The following BMPER variants were observed in gnomAD, a reference collection of about 807,000 sequenced individuals.
BMPER encodes BMP binding endothelial regulator.
In BMPER, 45 loss-of-function variants were observed where a neutral mutation model predicts 87.3. The observed-to-expected ratio is 0.52, with a 90% CI of 0.41 to 0.66. The LOEUF (loss-of-function observed/expected upper bound fraction) is 0.66. Ranked by LOEUF, BMPER falls within the 30% of genes least tolerant of loss-of-function variation. BMPER has a pLI of 0.00. For synonymous variants in BMPER, 326 were observed against 316.2 expected (o/e 1.03, Z -0.33); for missense variants, 784 against 867.5 (o/e 0.90, Z 1.21).
At chr7:34,146,583 ATATTT>A (rs1453077002) in intron 14 of BMPER, among the ~76,000 whole-genome samples, 1 of 152,200 alleles carries the variant, frequency 6.6e-6, no homozygotes, top group Non-Finnish European at 1.5e-5. Flanking sequence ...ATTTTATATT[ATATTT>A]TATCTTGATA....
At chr7:34,063,338 T>C (rs1788491125) in intron 11 of BMPER, among the ~76,000 whole-genome samples, 2 of 152,114 alleles carry the variant, frequency 1.3e-5, no homozygotes, top group Admixed American at 1.3e-4. Flanking sequence ...ATTTTTTTAA[T>C]TGATTAGTGC....
chr7:33,938,812 G>T (rs1447562034), intron 3 of BMPER, among the ~76,000 whole-genome samples: 3 of 152,138 alleles, frequency 2.0e-5, no homozygotes, highest in South Asian at 2.1e-4. Flanking sequence ...GATTACTTTA[G>T]GTCAGGAGTT....
intron 4 of BMPER, 112 bp downstream of exon 4, chr7:33,966,673 A>C: frequency 9.9e-7 from 1 of 1,013,078 alleles, no homozygotes; most frequent in South Asian, 1.4e-5. Context: ...AGAAATGAAA[A>C]AAACAATGAA....
intron 6 of BMPER, among the ~76,000 whole-genome samples, chr7:34,019,085 A>T (rs981266999): frequency 6.6e-6 from 1 of 151,750 alleles, no homozygotes; most frequent in Admixed American, 6.6e-5. Context: ...TTATTTAATT[A>T]CTCCCTGGAA....
chr7:33,983,363 G>A (rs967953570), intron 6 of BMPER, among the ~76,000 whole-genome samples: 18 of 152,038 alleles, frequency 1.2e-4, no homozygotes, highest in African/African-American at 1.7e-4. Flanking sequence ...GCACAACAGG[G>A]AAAAAAGTTG....
At chr7:34,131,869 T>A (rs1790598893) in intron 13 of BMPER, among the ~76,000 whole-genome samples, 1 of 152,174 alleles carries the variant, frequency 6.6e-6, no homozygotes, top group South Asian at 2.1e-4. Flanking sequence ...ACTCTGAACT[T>A]CAGTGGGGCT....
chr7:34,085,954 G>A lies in BMPER; in HGVS notation c.1607G>A (p.Arg536Lys), dbSNP rs1789190872. Reference protein sequence around the residue: ...WRVESNEFCNRPQRKPVPELC... With the variant: ...WRVESNEFCNKPQRKPVPELC... ...GTGGAGTCCAATGAGTTCTGCAACA[G>A]ACCTCAGAGAAAGCCAGTGCCTGAA... The change falls in exon 13 of 15, where the codon AGA (arginine) becomes AAA (lysine). Residue 536 changes from arginine to lysine, a missense_variant. Arg to Lys is a conservative substitution (Grantham distance 26). Coordinates refer to ENST00000649409, the MANE Select transcript of BMPER (RefSeq NM_001365308.1). 6.2e-7 allele frequency: 1 copy of A among 1,614,118 alleles called. No individual in the cohort carries two copies. The highest frequency in any genetic ancestry group is 8.5e-7 in the Non-Finnish European group (1 of 1,180,034).
At chr7:34,066,275 G>A (rs1459566198) in intron 11 of BMPER, among the ~76,000 whole-genome samples, 1 of 152,210 alleles carries the variant, frequency 6.6e-6, no homozygotes, top group Non-Finnish European at 1.5e-5. Context: ...CAGTAAGACA[G>A]TTTTTGTAGG....
intron 6 of BMPER, among the ~76,000 whole-genome samples, chr7:34,013,188 C>T (rs1407588544): frequency 2.0e-5 from 3 of 151,702 alleles, no homozygotes; most frequent in Non-Finnish European, 4.4e-5. Flanking sequence ...ACTCCACTAG[C>T]CCTGTTTCTC....
intron 6 of BMPER, among the ~76,000 whole-genome samples, chr7:34,028,951 C>T (rs1787454382): frequency 6.6e-6 from 1 of 151,780 alleles, no homozygotes; most frequent in Non-Finnish European, 1.5e-5. Flanking sequence ...TATCTAAAGA[C>T]AGAATTAGAA....
rs890971191 is a variant in BMPER at position 34,055,276 on chromosome 7, A to G, written c.900A>G (p.Val300=). Residue 300 remains valine (V), a synonymous_variant, in exon 9 of 15, where the codon GTA becomes GTG. Coordinates refer to ENST00000649409, the MANE Select transcript of BMPER (RefSeq NM_001365308.1). ...GAGTGCCCCCAGAAGACATCAAAGTATGCAAATTTGGCAACAAGATTTTCC... is the reference window on the plus strand; with the variant it reads ...GAGTGCCCCCAGAAGACATCAAAGTGTGCAAATTTGGCAACAAGATTTTCC... ...LLRVPPEDIK[V]CKFGNKIFQD... 6.2e-7 allele frequency: 1 copy of G among 1,614,168 alleles called. No homozygotes were observed. Among genetic ancestry groups the G allele is most frequent in the Admixed American group, 1.7e-5 (1 of 60,026 alleles).
intron 11 of BMPER, among the ~76,000 whole-genome samples, chr7:34,065,382 C>T: frequency 6.6e-6 from 1 of 152,242 alleles, no homozygotes; most frequent in South Asian, 2.1e-4. Flanking sequence ...TGGCCTCTAA[C>T]CACTAAATGC....
intron 6 of BMPER, among the ~76,000 whole-genome samples, chr7:34,020,440 A>G (rs1007214794): frequency 6.6e-6 from 1 of 151,280 alleles, no homozygotes; most frequent in Non-Finnish European, 1.5e-5. Context: ...CACCTTTGAA[A>G]GTATGTGCAG....
chr7:33,966,046 A>G (rs919152950), intron 3 of BMPER, among the ~76,000 whole-genome samples: 3 of 152,196 alleles, frequency 2.0e-5, no homozygotes, highest in African/African-American at 4.8e-5. Flanking sequence ...TTCAAGTCCT[A>G]TATTTTAATT....
At chr7:33,948,226 A>G (rs901484694) in intron 3 of BMPER, among the ~76,000 whole-genome samples, 1 of 152,212 alleles carries the variant, frequency 6.6e-6, no homozygotes, top group Non-Finnish European at 1.5e-5. Flanking sequence ...CAAATAAGAA[A>G]TGAGTTGCCT....
intron 2 of BMPER, among the ~76,000 whole-genome samples, chr7:33,909,308 A>G (rs771459089): frequency 4.6e-5 from 7 of 152,204 alleles, no homozygotes; most frequent in Non-Finnish European, 1.0e-4. Context: ...GCCTATAACC[A>G]TAAGAAACAG....
chr7:33,989,523 T>G (rs1165018511), intron 6 of BMPER, among the ~76,000 whole-genome samples: 2 of 152,326 alleles, frequency 1.3e-5, no homozygotes, highest in East Asian at 3.9e-4. Flanking sequence ...TAGCCCTTTG[T>G]CAGATGAGTA....
chr7:34,001,964 G>T (rs1786593410), intron 6 of BMPER, among the ~76,000 whole-genome samples: 1 of 151,020 alleles, frequency 6.6e-6, no homozygotes, highest in South Asian at 2.1e-4. Flanking sequence ...ATGTATTTTT[G>T]AATTTCCCAA....
chr7:34,082,329 T>TTTTG (rs1554315616), intron 12 of BMPER, among the ~76,000 whole-genome samples: 1 of 10,448 alleles, frequency 9.6e-5, no homozygotes, highest in African/African-American at 4.2e-4. Flanking sequence ...AACTTATTAG[T>TTTTG]TTTTTTTTTT....
Sources: gnomAD v4.1 joint callset for allele counts (sites outside exome capture counted in the v4.1 genomes callset) on GRCh38, gnomAD v4.1.1 for gene constraint, MANE v1.5 for transcripts, NCBI Gene and HGNC (gene_info 2026-07-23, HGNC 2026-07-21) for gene names.